GRIN2B: variants seen among roughly 807,000 people sequenced by gnomAD.
GRIN2B encodes glutamate ionotropic receptor NMDA type subunit 2B, also known as glutamate receptor ionotropic, NMDA 2B.
GRIN2B carries 5 observed loss-of-function variants against 114.5 expected under a neutral mutation model. That is an observed-to-expected ratio of 0.04 (90% CI 0.02 to 0.09). The LOEUF is 0.09. GRIN2B is among the 10% of genes least tolerant of loss of function. GRIN2B has a pLI of 1.00. For synonymous variants in GRIN2B, 787 were observed against 745.1 expected (o/e 1.06, Z -0.92); for missense variants, 1,108 against 1,943.5 (o/e 0.57, Z 8.08).
At chr12:13,704,313 G>C (rs1479757335) in intron 4 of GRIN2B, among the ~76,000 whole-genome samples, 1 of 152,078 alleles carries the variant, frequency 6.6e-6, no homozygotes, top group African/African-American at 2.4e-5. Context: ...GAAAGGGAAA[G>C]GATGGAGGAG....
At chr12:13,928,360 A>G (rs933196761) in intron 2 of GRIN2B, among the ~76,000 whole-genome samples, 1 of 152,142 alleles carries the variant, frequency 6.6e-6, no homozygotes, top group Non-Finnish European at 1.5e-5. Flanking sequence ...TAAAAGGGCA[A>G]TGTGATTTAA....
chr12:13,677,819 A>G (rs1231699239), intron 4 of GRIN2B, among the ~76,000 whole-genome samples: 1 of 152,050 alleles, frequency 6.6e-6, no homozygotes, highest in South Asian at 2.1e-4. Flanking sequence ...CTTCTTCTAC[A>G]TGAGAGTTTC....
chr12:13,857,826 A>G, intron 3 of GRIN2B, among the ~76,000 whole-genome samples: 1 of 152,214 alleles, frequency 6.6e-6, no homozygotes, highest in Non-Finnish European at 1.5e-5. Context: ...CATGAAATCA[A>G]GGATGTGGGG....
chr12:13,884,612 G>A (rs1866123990), intron 2 of GRIN2B, among the ~76,000 whole-genome samples: 1 of 151,776 alleles, frequency 6.6e-6, no homozygotes, highest in Non-Finnish European at 1.5e-5. Flanking sequence ...CAATAACACT[G>A]GCTAGGACCT....
chr12:13,822,557 T>A (rs759803497), intron 3 of GRIN2B, among the ~76,000 whole-genome samples: 9 of 152,070 alleles, frequency 5.9e-5, no homozygotes, highest in Non-Finnish European at 8.8e-5. Context: ...TAGGGGGTAA[T>A]ACTAAAAACT....
At chr12:13,798,187 C>T (rs1195468479) in intron 3 of GRIN2B, among the ~76,000 whole-genome samples, 2 of 152,118 alleles carry the variant, frequency 1.3e-5, no homozygotes, top group South Asian at 2.1e-4. Context: ...TCAGTAACCT[C>T]TCTACTAAAA....
Position 13,540,532 on chromosome 12 carries a change from A to T in GRIN2B, c.*22251T>A, listed in dbSNP as rs1948264056. On this transcript the variant is annotated 3_prime_UTR_variant, in exon 14 of 14. Transcript: ENST00000609686. ...GAAACAAGATAAATCAAAAGAATGA[A>T]ATCAACTTATTTCTTTTGTTTAAAG... 1 of 151,364 alleles carries T rather than the reference A, an allele frequency of 6.6e-6. No homozygotes were observed. The highest frequency in any genetic ancestry group is 1.5e-5 in the Non-Finnish European group (1 of 67,834). The allele number at this position is 151,364 out of a possible 1,614,324, so 9.4% of individuals were successfully genotyped here.
intron 4 of GRIN2B, among the ~76,000 whole-genome samples, chr12:13,725,759 G>A (rs966260668): frequency 6.6e-5 from 10 of 152,122 alleles, no homozygotes; most frequent in African/African-American, 2.2e-4. Flanking sequence ...GAGGGCCCAG[G>A]GTTTTGTGAA....
At chr12:13,909,312 C>G (rs1240547162) in intron 2 of GRIN2B, among the ~76,000 whole-genome samples, 1 of 152,200 alleles carries the variant, frequency 6.6e-6, no homozygotes, top group East Asian at 1.9e-4. Context: ...TTCATGAGAG[C>G]TTGTCTTTGG....
intron 3 of GRIN2B, among the ~76,000 whole-genome samples, chr12:13,849,140 T>C (rs920394081): frequency 2.0e-5 from 3 of 152,072 alleles, no homozygotes; most frequent in Non-Finnish European, 4.4e-5. Context: ...CTGATACAGA[T>C]GTGCTGGTTA....
At chr12:13,694,617 T>C (rs1205206053) in intron 4 of GRIN2B, among the ~76,000 whole-genome samples, 1 of 136,826 alleles carries the variant, frequency 7.3e-6, no homozygotes, top group Non-Finnish European at 1.5e-5. Flanking sequence ...TTAAGTCCAC[T>C]ACAGTAGCTC....
At chr12:13,825,495 T>A (rs936354299) in intron 3 of GRIN2B, among the ~76,000 whole-genome samples, 4 of 98,708 alleles carry the variant, frequency 4.1e-5, no homozygotes, top group Non-Finnish European at 6.1e-5. Flanking sequence ...ATATATATAT[T>A]TTGTGTGTGT....
intron 3 of GRIN2B, among the ~76,000 whole-genome samples, chr12:13,818,517 T>C (rs569411279): frequency 1.4e-4 from 21 of 152,370 alleles, no homozygotes; most frequent in Admixed American, 4.6e-4. Context: ...ACAGAAAGTA[T>C]ATATTTCTCA....
At chr12:13,772,129 T>C (rs58779848) in intron 3 of GRIN2B, among the ~76,000 whole-genome samples, 2,218 of 152,326 alleles carry the variant, frequency 0.015, 55 homozygotes, top group African/African-American at 0.05. Context: ...GATTCCACTG[T>C]TCCATAAAAG....
intron 4 of GRIN2B, among the ~76,000 whole-genome samples, chr12:13,733,652 T>TC (rs1357113739): frequency 6.6e-6 from 1 of 152,060 alleles, no homozygotes; most frequent in Non-Finnish European, 1.5e-5. Context: ...TAATCTTCAC[T>TC]CCCCCTCTGA....
intron 4 of GRIN2B, among the ~76,000 whole-genome samples, chr12:13,749,874 A>G (rs1036050186): frequency 6.6e-6 from 1 of 152,198 alleles, no homozygotes. Flanking sequence ...CAAGACAGGC[A>G]GGGATTACAT....
chr12:13,571,998 G>C, intron 10 of GRIN2B, 34 bp from the exon 11 acceptor site: 2 of 1,512,090 alleles, frequency 1.3e-6, no homozygotes, highest in Non-Finnish European at 1.8e-6. Flanking sequence ...GACAGAGCGG[G>C]AGATGGAGGG....
At chr12:13,596,038 AAAAG>A in intron 10 of GRIN2B, among the ~76,000 whole-genome samples, 1 of 152,224 alleles carries the variant, frequency 6.6e-6, no homozygotes, top group East Asian at 1.9e-4. Context: ...AGAAAAAAAA[AAAAG>A]GCTCACTTCC....
Position 13,945,207 on chromosome 12 carries a change from C to A in GRIN2B, c.-19+34721G>T, listed in dbSNP as rs188912089. Among the ~76,000 whole-genome samples the A allele has an allele frequency of 1.1e-4, 17 of 152,294 alleles. No individual in the cohort carries two copies. The East Asian group carries it at 3.3e-3, about 29-fold the overall frequency. On this transcript the variant is annotated intron_variant, in intron 2 of 13. Transcript: ENST00000609686. ...AAAGCAAACACACAGGCCCACAAAG[C>A]AAAATGCAACTAAGCACCTGCTACT... is the stretch of plus-strand genomic sequence containing the variant.
Sources: allele counts gnomAD v4.1 joint callset (sites outside exome capture counted in the v4.1 genomes callset), GRCh38; gene constraint gnomAD v4.1.1; transcripts MANE v1.5; gene names NCBI Gene and HGNC (gene_info 2026-07-23, HGNC 2026-07-21).